The following PACRG variants were observed in gnomAD, a reference collection of about 807,000 sequenced individuals.
PACRG encodes the protein parkin coregulated, also known as parkin coregulated gene protein.
PACRG carries 29 observed loss-of-function variants against 29.7 expected under a neutral mutation model. The ratio of observed to expected loss-of-function variants is 0.98; its 90% CI spans 0.73 to 1.33. PACRG has a LOEUF of 1.33. Ranked by LOEUF, PACRG falls within the 40% of genes most tolerant of loss-of-function variation. The pLI, the probability that PACRG is intolerant of heterozygous loss-of-function variation, is 0.00. For missense variants in PACRG, 279 were observed against 316.2 expected, an observed-to-expected ratio of 0.88 and a Z score of 0.89; for synonymous variants, 116 against 118.7, an observed-to-expected ratio of 0.98 and a Z score of 0.15.
intron 4 of PACRG, among the ~76,000 whole-genome samples, chr6:163,303,788 C>A (rs1250264097): frequency 1.3e-5 from 2 of 151,790 alleles, no homozygotes; most frequent in African/African-American, 2.4e-5. Context: ...ACGGGGGGAT[C>A]ACCTGAGGTC....
At chr6:162,950,844 C>A (rs1408486579) in intron 2 of PACRG, among the ~76,000 whole-genome samples, 2 of 152,030 alleles carry the variant, frequency 1.3e-5, no homozygotes, top group African/African-American at 4.8e-5. Flanking sequence ...AAAAGAAAAG[C>A]CTAGACAGAG....
chr6:163,226,618 A>G (rs1781811832), intron 4 of PACRG, among the ~76,000 whole-genome samples: 1 of 152,180 alleles, frequency 6.6e-6, no homozygotes, highest in African/African-American at 2.4e-5. Context: ...CTCTGTGCCT[A>G]TACATTAGCC....
chr6:162,831,923 G>A (rs1788806192), intron 2 of PACRG, among the ~76,000 whole-genome samples: 1 of 152,076 alleles, frequency 6.6e-6, no homozygotes, highest in Non-Finnish European at 1.5e-5. Flanking sequence ...GGGCATTTGG[G>A]TTGATTCCAT....
At chr6:162,778,120 T>C (rs1783792121) in intron 1 of PACRG, among the ~76,000 whole-genome samples, 1 of 152,058 alleles carries the variant, frequency 6.6e-6, no homozygotes, top group Admixed American at 6.6e-5. Context: ...TTTTCGGTGT[T>C]TTGGGGGGAG....
chr6:163,195,830 T>G (rs767241557), intron 4 of PACRG, among the ~76,000 whole-genome samples: 2 of 152,210 alleles, frequency 1.3e-5, no homozygotes, highest in Non-Finnish European at 2.9e-5. Flanking sequence ...GGCTTCCTCC[T>G]GCGCCCCTTC....
At chr6:162,954,136 A>T (rs574853811) in intron 2 of PACRG, among the ~76,000 whole-genome samples, 67 of 152,278 alleles carry the variant, frequency 4.4e-4, no homozygotes, top group African/African-American at 1.6e-3. Context: ...GTGCATTCTT[A>T]TTGTATGTTA....
In PACRG at chr6:163,123,685, G is replaced by A. The variant is rs546975134; in HGVS notation, c.613+34277G>A. 2.0e-5 allele frequency among the ~76,000 whole-genome samples: 3 copies of A among 152,242 alleles called. 1 individual carries two copies. In the South Asian group the frequency reaches 6.2e-4, roughly 32 times the overall value. On this transcript the variant is annotated intron_variant, in intron 4 of 4. Transcript: ENST00000366888. ...CCCCCTCTCCATCCGCTAGTAACCA[G>A]CGTTCTATTGTCTACTTCTGTACAT...
intron 2 of PACRG, among the ~76,000 whole-genome samples, chr6:162,981,305 A>ATATATATATATATATATATTTTTT (rs925663285): frequency 6.7e-6 from 1 of 149,132 alleles, no homozygotes; most frequent in Non-Finnish European, 1.5e-5. Flanking sequence ...ATATATATAT[A>ATATATATATATATATATATTTTTT]TTTACAATGG....
chr6:162,937,434 G>A (rs912612167), intron 2 of PACRG, among the ~76,000 whole-genome samples: 5 of 151,998 alleles, frequency 3.3e-5, no homozygotes, highest in Non-Finnish European at 7.4e-5. Flanking sequence ...GAAAGAATGC[G>A]GGAGGATGCA....
In PACRG at chr6:162,895,254, A is replaced by G. The variant is rs1409913079; in HGVS notation, c.291+80973A>G. 2.2e-5 allele frequency among the ~76,000 whole-genome samples: 3 copies of G among 135,504 alleles called. No individual in the cohort carries two copies. In the East Asian group the frequency reaches 6.7e-4, roughly 30 times the overall value. The allele number at this position is 135,504 out of a possible 152,430, so 88.9% of individuals were successfully genotyped here. ...CACCGCACTCCAGTCTGGGTGACAG[A>G]GTGAGACCCTCTCTCTCAAAAAAAA... is the stretch of plus-strand genomic sequence containing the variant. On this transcript the variant is annotated intron_variant, in intron 2 of 4. Coordinates refer to ENST00000366888, the MANE Select transcript of PACRG (RefSeq NM_001080379.2).
chr6:163,255,460 G>T (rs1033063954), intron 4 of PACRG, among the ~76,000 whole-genome samples: 2 of 152,160 alleles, frequency 1.3e-5, no homozygotes, highest in South Asian at 4.1e-4. Flanking sequence ...CCAAGAGGAG[G>T]TCTGTGCATG....
chr6:162,735,908 G>T (rs916339387), intron 1 of PACRG, among the ~76,000 whole-genome samples: 8 of 152,146 alleles, frequency 5.3e-5, no homozygotes, highest in Non-Finnish European at 1.2e-4. Context: ...ATAAACAACA[G>T]AGAAATAATA....
At chr6:163,139,747 T>C (rs947325823) in intron 4 of PACRG, among the ~76,000 whole-genome samples, 2 of 151,390 alleles carry the variant, frequency 1.3e-5, no homozygotes, top group South Asian at 4.2e-4. Context: ...TTACAAAAAC[T>C]GCAGTTACTT....
intron 2 of PACRG, among the ~76,000 whole-genome samples, chr6:162,880,294 GT>G (rs1793724668): frequency 6.6e-6 from 1 of 152,138 alleles, no homozygotes; most frequent in Admixed American, 6.5e-5. Flanking sequence ...TTGGGAATTT[GT>G]GGATGATGTT....
intron 3 of PACRG, among the ~76,000 whole-genome samples, chr6:163,071,230 C>T (rs755565584): frequency 6.8e-6 from 1 of 147,822 alleles, no homozygotes; most frequent in Non-Finnish European, 1.5e-5. Context: ...CATCCAATGG[C>T]TGCAGAATAC....
At chr6:162,976,997 C>G (rs1011012956) in intron 2 of PACRG, among the ~76,000 whole-genome samples, 1 of 151,924 alleles carries the variant, frequency 6.6e-6, no homozygotes, top group Non-Finnish European at 1.5e-5. Flanking sequence ...CAACACTGTA[C>G]AAGTCCTAAG....
At chr6:163,075,108 G>T (rs1332478897) in intron 3 of PACRG, among the ~76,000 whole-genome samples, 1 of 151,930 alleles carries the variant, frequency 6.6e-6, no homozygotes, top group Non-Finnish European at 1.5e-5. Context: ...ATCATGATAG[G>T]GTATTAAGAA....
chr6:163,147,467 C>T (rs1777846879), intron 4 of PACRG, among the ~76,000 whole-genome samples: 1 of 152,122 alleles, frequency 6.6e-6, no homozygotes, highest in African/African-American at 2.4e-5. Flanking sequence ...GTTGCCATCC[C>T]AGTGTCTCCA....
chr6:162,758,498 C>G (rs1156316008), intron 1 of PACRG, among the ~76,000 whole-genome samples: 1 of 152,080 alleles, frequency 6.6e-6, no homozygotes, highest in African/African-American at 2.4e-5. Flanking sequence ...CATATGACTA[C>G]TTGGTTCATT....
Sources: gnomAD v4.1 joint callset for allele counts (sites outside exome capture counted in the v4.1 genomes callset) on GRCh38, gnomAD v4.1.1 for gene constraint, MANE v1.5 for transcripts, NCBI Gene and HGNC (gene_info 2026-07-23, HGNC 2026-07-21) for gene names.